The following NXN variants were observed in gnomAD, a reference collection of about 807,000 sequenced individuals.
NXN encodes the protein nucleoredoxin 1.
NXN carries 16 observed loss-of-function variants against 48.6 expected under a neutral mutation model. That is an observed-to-expected ratio of 0.33 (90% CI 0.22 to 0.50). The LOEUF is 0.50. NXN is among the 20% of genes least tolerant of loss of function. The probability of loss-of-function intolerance (pLI) is 0.98; values close to 1 mark genes in which losing one functional copy is unlikely to be tolerated. For missense variants in NXN, 492 were observed against 605.5 expected (o/e 0.81, Z 1.97); for synonymous variants, 281 against 269.6 (o/e 1.04, Z -0.41).
chr17:827,296 G>C (rs572827531), intron 1 of NXN, among the ~76,000 whole-genome samples: 14 of 151,768 alleles, frequency 9.2e-5, no homozygotes, highest in African/African-American at 3.4e-4. Flanking sequence ...GGCCAACACG[G>C]TGAAACCCCG....
intron 1 of NXN, among the ~76,000 whole-genome samples, chr17:971,263 C>T (rs546241104): frequency 6.6e-6 from 1 of 151,890 alleles, no homozygotes; most frequent in East Asian, 2.0e-4. Context: ...TTTTAATAGA[C>T]TCAGATATTT....
In NXN at chr17:869,137, C is replaced by T. The variant is rs557385050; in HGVS notation, c.361-43059G>A. Among the ~76,000 whole-genome samples the T allele has an allele frequency of 1.2e-4, 19 of 152,276 alleles. 1 individual carries two copies. The East Asian group carries it at 3.7e-3, about 29-fold the overall frequency. ...CTAGACTTGGGTGAACCCCACTGAC[C>T]AGACAGTTCCTTCTCTCTCATCTCA... On this transcript the variant is annotated intron_variant, in intron 1 of 7. Transcript: ENST00000336868.
At chr17:952,632 G>C (rs1386239536) in intron 1 of NXN, among the ~76,000 whole-genome samples, 1 of 20,898 alleles carries the variant, frequency 4.8e-5, no homozygotes, top group Admixed American at 4.0e-4. Context: ...TGGGGGGGCT[G>C]GGGTCAGACA....
intron 2 of NXN, 87 bp from the exon 3 acceptor site, chr17:823,852 T>C: frequency 7.0e-7 from 1 of 1,427,568 alleles, no homozygotes; most frequent in Non-Finnish European, 9.6e-7. Flanking sequence ...TTAAGACTCT[T>C]CTTGATGACC....
At chr17:811,167 AGAG>A (rs1237273890) in intron 5 of NXN, among the ~76,000 whole-genome samples, 7 of 152,104 alleles carry the variant, frequency 4.6e-5, no homozygotes, top group Admixed American at 2.6e-4. Context: ...AAAACAGAGA[AGAG>A]GATTCAACGC....
chr17:885,639 G>C (rs2068336664), intron 1 of NXN, among the ~76,000 whole-genome samples: 1 of 149,246 alleles, frequency 6.7e-6, no homozygotes, highest in African/African-American at 2.5e-5. Flanking sequence ...TCTGAAGAGA[G>C]GCGCCATGCC....
At chr17:884,341 G>C (rs920711409) in intron 1 of NXN, among the ~76,000 whole-genome samples, 1 of 151,678 alleles carries the variant, frequency 6.6e-6, no homozygotes, top group Non-Finnish European at 1.5e-5. Flanking sequence ...GAAGTTTGAG[G>C]TGACAGTGAG....
At chr17:852,981 T>C (rs1041765710) in intron 1 of NXN, among the ~76,000 whole-genome samples, 7 of 151,994 alleles carry the variant, frequency 4.6e-5, no homozygotes, top group African/African-American at 1.4e-4. Flanking sequence ...GTGTAAATTT[T>C]TTCTTTTTTT....
At chr17:926,017 A>C (rs2068794323) in intron 1 of NXN, among the ~76,000 whole-genome samples, 1 of 152,180 alleles carries the variant, frequency 6.6e-6, no homozygotes, top group South Asian at 2.1e-4. Flanking sequence ...ATTTTTCACA[A>C]AGAAAGTTTT....
At chr17:878,428 C>A (rs1424864278) in intron 1 of NXN, among the ~76,000 whole-genome samples, 4 of 119,358 alleles carry the variant, frequency 3.4e-5, no homozygotes, top group Non-Finnish European at 3.4e-5. Flanking sequence ...GGAGGGGGTG[C>A]CCTTGAAGGA....
chr17:817,445 G>A (rs1019546813), intron 5 of NXN, among the ~76,000 whole-genome samples: 3 of 151,964 alleles, frequency 2.0e-5, no homozygotes, highest in African/African-American at 7.3e-5. Context: ...CGAGGTGGGC[G>A]GATCACAAGG....
At chr17:864,867 G>A (rs2068080492) in intron 1 of NXN, among the ~76,000 whole-genome samples, 1 of 152,160 alleles carries the variant, frequency 6.6e-6, no homozygotes, top group Admixed American at 6.6e-5. Flanking sequence ...CCAAGGAAGG[G>A]CCAGATGCCC....
At chr17:884,837 C>CGA (rs2068325320) in intron 1 of NXN, among the ~76,000 whole-genome samples, 1 of 152,188 alleles carries the variant, frequency 6.6e-6, no homozygotes, top group Non-Finnish European at 1.5e-5. Flanking sequence ...AAACATGTTT[C>CGA]TAGAATGTGA....
chr17:804,631 G>A (rs1911387033), intron 6 of NXN, among the ~76,000 whole-genome samples: 1 of 152,198 alleles, frequency 6.6e-6, no homozygotes, highest in Non-Finnish European at 1.5e-5. Flanking sequence ...GGGAGACGGG[G>A]AGGTGCAAGC....
intron 5 of NXN, among the ~76,000 whole-genome samples, chr17:814,532 G>A (rs895074429): frequency 6.6e-6 from 1 of 152,188 alleles, no homozygotes; most frequent in African/African-American, 2.4e-5. Flanking sequence ...ACAAGTGTCC[G>A]TCTTCCAGGC....
At chr17:839,595 G>A (rs1039505126) in intron 1 of NXN, among the ~76,000 whole-genome samples, 1 of 151,592 alleles carries the variant, frequency 6.6e-6, no homozygotes, top group Non-Finnish European at 1.5e-5. Flanking sequence ...TGGGTCACTT[G>A]AGCTCAGGAG....
intron 5 of NXN, among the ~76,000 whole-genome samples, chr17:813,781 A>AC (rs1912310941): frequency 6.6e-6 from 1 of 150,712 alleles, no homozygotes; most frequent in Non-Finnish European, 1.5e-5. Context: ...AGCCTGGTCA[A>AC]ATGGAGAAAC....
chr17:876,527 A>G (rs556824957), intron 1 of NXN, among the ~76,000 whole-genome samples: 5 of 152,158 alleles, frequency 3.3e-5, no homozygotes, highest in Non-Finnish European at 7.4e-5. Context: ...CTCCCCATCA[A>G]TGAAGAAAGC....
intron 1 of NXN, among the ~76,000 whole-genome samples, chr17:873,380 C>T (rs545457409): frequency 5.6e-4 from 85 of 150,960 alleles, no homozygotes; most frequent in African/African-American, 1.9e-3. Flanking sequence ...GCCTGTAATC[C>T]CAGCTACCTG....
Sources: gnomAD v4.1 joint callset for allele counts (sites outside exome capture counted in the v4.1 genomes callset) on GRCh38, gnomAD v4.1.1 for gene constraint, MANE v1.5 for transcripts, NCBI Gene and HGNC (gene_info 2026-07-23, HGNC 2026-07-21) for gene names.